The following C10orf88 variants were observed in gnomAD, a reference collection of about 807,000 sequenced individuals.
C10orf88 encodes the protein ATPase PAAT.
In C10orf88, 29 loss-of-function variants were observed where a neutral mutation model predicts 34.2. The ratio of observed to expected loss-of-function variants is 0.85; its 90% CI spans 0.63 to 1.16. The LOEUF (loss-of-function observed/expected upper bound fraction) is 1.16, where lower values mean the gene tolerates loss of function less well. Among genes scored for constraint, C10orf88 ranks in the 50% most tolerant of loss-of-function variants. The pLI is 0.00. For synonymous variants in C10orf88, 194 were observed against 197.4 expected, an observed-to-expected ratio of 0.98 and a Z score of 0.15; for missense variants, 507 against 533.2, an observed-to-expected ratio of 0.95 and a Z score of 0.48.
chr10:122,931,942 C>T lies in C10orf88; in HGVS notation c.*485G>A, dbSNP rs1048523113. ...AAATATCACATCTTATTCATTATCT[C>T]ACACAAGCAATACAAAATGTAAACT... On this transcript the variant is annotated 3_prime_UTR_variant, in exon 6 of 6. Coordinates refer to ENST00000481909, the MANE Select transcript of C10orf88 (RefSeq NM_024942.4). The T allele has an allele frequency of 6.5e-6, 1 of 152,802 alleles. No individual in the cohort carries two copies. The highest frequency in any genetic ancestry group is 1.5e-5 in the Non-Finnish European group (1 of 68,182). 9.5% of individuals were successfully genotyped at this position (152,802 alleles called of 1,614,324 possible). A position where few individuals can be genotyped will look rare whatever the true frequency, so the allele number is the denominator to read the frequency against.
chr10:122,953,994 G>C, intron 1 of C10orf88, 21 bp downstream of exon 1: 1 of 1,504,952 alleles, frequency 6.6e-7, no homozygotes, highest in Non-Finnish European at 8.8e-7. Flanking sequence ...TAGCGACCCC[G>C]TCCCCGTCGG....
Position 122,948,721 on chromosome 10 carries a change from T to G in C10orf88, c.576A>C (p.Ile192=). 1 of 1,613,974 alleles carries G rather than the reference T, an allele frequency of 6.2e-7. No homozygotes were observed. Among genetic ancestry groups the G allele is most frequent in the Non-Finnish European group, 8.5e-7 (1 of 1,179,902 alleles). ...SRIDLDKVQT[I]MESMGSKLSP... The stretch of plus-strand genomic sequence containing the variant: ...ATAACTTTGACCCCATGGACTCCAT[T>G]ATGGTTTGGACCTTGTCAAGGTCTA... The change falls in exon 4 of 6, where the codon ATA becomes ATC. Residue 192 remains isoleucine, a synonymous_variant. Coordinates refer to ENST00000481909, the MANE Select transcript of C10orf88 (RefSeq NM_024942.4).
chr10:122,937,208 C>T (rs1848541328), intron 5 of C10orf88, among the ~76,000 whole-genome samples: 1 of 151,714 alleles, frequency 6.6e-6, no homozygotes, highest in South Asian at 2.1e-4. Flanking sequence ...ATATGTACTG[C>T]CAAAATAAGG....
chr10:122,940,287 T>C (rs1848570663), intron 4 of C10orf88, among the ~76,000 whole-genome samples: 1 of 152,028 alleles, frequency 6.6e-6, no homozygotes, highest in African/African-American at 2.4e-5. Context: ...CTGGAAGACA[T>C]GCTAAGTGAA....
In C10orf88 at chr10:122,952,950, C is replaced by T. The variant is rs1437512553; in HGVS notation, c.247G>A (p.Gly83Arg). Residue 83 changes from glycine to arginine, a missense_variant, in exon 2 of 6, where the codon GGA (glycine) becomes AGA (arginine). Transcript: ENST00000481909. ...CFLYLRCGPD[G>R]GEEIASIGIL... Reference sequence around the variant, plus strand: ...CCAATAGAAGCGATTTCTTCACCTCCATCAGGGCCACACCTCAGGTAAAGG... The same window carrying T: ...CCAATAGAAGCGATTTCTTCACCTCTATCAGGGCCACACCTCAGGTAAAGG... 6.2e-7 allele frequency: 1 copy of T among 1,614,192 alleles called. No individual in the cohort carries two copies. Among genetic ancestry groups the T allele is most frequent in the African/African-American group, 1.3e-5 (1 of 75,046 alleles).
rs1317063491 is a variant in C10orf88, at chr10:122,937,870, G to A, written c.938C>T (p.Ala313Val). The change falls in exon 5 of 6, where the codon GCC becomes GTC. Residue 313 changes from alanine (A) to valine (V), a missense_variant. Coordinates refer to ENST00000481909, the MANE Select transcript of C10orf88 (RefSeq NM_024942.4). ...ACTTACTTTCTTTGGTAAGAAAGAG[G>A]CCATTGCATTTTTAAGATCATTTTC... is the stretch of plus-strand genomic sequence containing the variant. ...FLENDLKNAM[A>V]SFLPKKVSDN... 2 of 1,613,294 alleles carry A rather than the reference G, an allele frequency of 1.2e-6. No individual in the cohort carries two copies. Among genetic ancestry groups the A allele is most frequent in the East Asian group, 4.5e-5 (2 of 44,862 alleles).
At chr10:122,939,570 T>C (rs1228045339) in intron 4 of C10orf88, among the ~76,000 whole-genome samples, 1 of 151,908 alleles carries the variant, frequency 6.6e-6, no homozygotes, top group Admixed American at 6.6e-5. Context: ...AAGTTTATCT[T>C]GTTTTATAAA....
intron 5 of C10orf88, 61 bp downstream of exon 5, chr10:122,937,644 C>T (rs766025450): frequency 8.6e-6 from 12 of 1,399,496 alleles, no homozygotes; most frequent in Non-Finnish European, 1.2e-5. Flanking sequence ...AAATCTGTTT[C>T]CTTTCATCTG....
chr10:122,953,945 C>T, intron 1 of C10orf88, 70 bp downstream of exon 1: 1 of 1,412,984 alleles, frequency 7.1e-7, no homozygotes. Flanking sequence ...CTCTCGCCTC[C>T]CCTCACAGCT....
At chr10:122,953,182 A>G (rs1365244400) in intron 1 of C10orf88, 150 bp from the exon 2 acceptor site, 3 of 654,348 alleles carry the variant, frequency 4.6e-6, no homozygotes, top group South Asian at 3.8e-5. Flanking sequence ...GGTTCACGCC[A>G]TTCTCCTGCC....
chr10:122,947,806 T>C (rs1269665272), intron 4 of C10orf88, among the ~76,000 whole-genome samples: 1 of 152,230 alleles, frequency 6.6e-6, no homozygotes, highest in Non-Finnish European at 1.5e-5. Flanking sequence ...ATTTCATGTT[T>C]AACTTGATTT....
chr10:122,950,614 T>C lies in C10orf88; in HGVS notation c.441+1340A>G, dbSNP rs201370176. Among the ~76,000 whole-genome samples, 8 of 152,342 alleles carry C rather than the reference T, an allele frequency of 5.3e-5. No individual in the cohort carries two copies. The East Asian group carries it at 1.3e-3, about 26-fold the overall frequency. ...ATCCCCCTTTCTCTTTTTAACCCCA[T>C]AGCCTTTTTCACCATTAAATATAGT... On this transcript the variant is annotated intron_variant, in intron 3 of 5. Coordinates refer to ENST00000481909, the MANE Select transcript of C10orf88 (RefSeq NM_024942.4).
intron 4 of C10orf88, among the ~76,000 whole-genome samples, chr10:122,942,421 T>G (rs1848593765): frequency 6.6e-6 from 1 of 152,314 alleles, no homozygotes; most frequent in East Asian, 1.9e-4. Flanking sequence ...AATATCATAC[T>G]GAATGGACAA....
intron 4 of C10orf88, among the ~76,000 whole-genome samples, chr10:122,943,729 C>T (rs1848608260): frequency 6.6e-6 from 1 of 151,994 alleles, no homozygotes; most frequent in Non-Finnish European, 1.5e-5. Flanking sequence ...TGAACAGACA[C>T]TTCTCAAAAG....
intron 4 of C10orf88, among the ~76,000 whole-genome samples, chr10:122,941,602 C>A (rs889894041): frequency 2.6e-5 from 4 of 152,122 alleles, no homozygotes; most frequent in African/African-American, 7.2e-5. Context: ...ATATGACATT[C>A]TCTATGCCTT....
chr10:122,948,037 A>G (rs1183939660), intron 4 of C10orf88, among the ~76,000 whole-genome samples: 1 of 152,202 alleles, frequency 6.6e-6, no homozygotes, highest in Non-Finnish European at 1.5e-5. Flanking sequence ...TTGAAACATA[A>G]GTCAAAAACA....
chr10:122,948,118 A>G (rs1460639413), intron 4 of C10orf88, among the ~76,000 whole-genome samples: 1 of 152,112 alleles, frequency 6.6e-6, no homozygotes, highest in Non-Finnish European at 1.5e-5. Context: ...TTTGCCTATT[A>G]CTTTTTTGCT....
chr10:122,943,404 C>G (rs1316532789), intron 4 of C10orf88, among the ~76,000 whole-genome samples: 1 of 150,036 alleles, frequency 6.7e-6, no homozygotes, highest in African/African-American at 2.5e-5. Context: ...AACGTTAGAC[C>G]TAAAACCATA....
intron 1 of C10orf88, among the ~76,000 whole-genome samples, chr10:122,953,317 T>C (rs993095950): frequency 2.0e-5 from 3 of 152,150 alleles, no homozygotes; most frequent in African/African-American, 7.2e-5. Context: ...GACGTCGTGA[T>C]CCGCCCGCCT....
Sources: allele counts gnomAD v4.1 joint callset (sites outside exome capture counted in the v4.1 genomes callset), GRCh38; gene constraint gnomAD v4.1.1; transcripts MANE v1.5; gene names NCBI Gene and HGNC (gene_info 2026-07-23, HGNC 2026-07-21).